Variants in PPAN observed in about 807,000 individuals in gnomAD.
The protein encoded by PPAN is peter pan homolog, also known as suppressor of SWI4 1 homolog.
In PPAN, 39 loss-of-function variants were observed where a neutral mutation model predicts 48.5. The ratio of observed to expected loss-of-function variants is 0.80; its 90% CI spans 0.62 to 1.05. PPAN has a LOEUF of 1.05. Among genes scored for constraint, PPAN ranks in the 50% least tolerant of loss-of-function variants. The pLI, the probability that PPAN is intolerant of heterozygous loss-of-function variation, is 0.00. For missense variants in PPAN, 736 were observed against 661.7 expected (o/e 1.11, Z -1.23); for synonymous variants, 315 against 268.6 (o/e 1.17, Z -1.69).
intron 5 of PPAN, among the ~76,000 whole-genome samples, chr19:10,108,444 C>T (rs1461398686): frequency 6.6e-6 from 1 of 152,070 alleles, no homozygotes; most frequent in Non-Finnish European, 1.5e-5. Flanking sequence ...TCTTAGGGCC[C>T]TGTTTTACAG....
In PPAN at chr19:10,111,311, C is replaced by G. The variant is rs1321064456; in HGVS notation, c.*146C>G. On this transcript the variant is annotated 3_prime_UTR_variant, in exon 12 of 12. Coordinates refer to ENST00000253107, the MANE Select transcript of PPAN (RefSeq NM_020230.7). The stretch of plus-strand genomic sequence containing the variant: ...TGAATTGGCCAGGGGTCCACGTCAG[C>G]GTTTGGGATGGGGGATTCTGGAGCC... 9.9e-7 allele frequency: 1 copy of G among 1,014,314 alleles called. No homozygotes were observed. Among genetic ancestry groups the G allele is most frequent in the Non-Finnish European group, 1.4e-6 (1 of 716,674 alleles). 62.8% of individuals were successfully genotyped at this position (1,014,314 alleles called of 1,614,324 possible).
chr19:10,107,909 T>A, intron 4 of PPAN, 55 bp downstream of exon 4: 1 of 1,603,116 alleles, frequency 6.2e-7, no homozygotes, highest in Non-Finnish European at 8.5e-7. Context: ...GGACTTGGGG[T>A]TGTCCGCAGC....
In PPAN at chr19:10,110,273, G is replaced by A. The variant is rs117511908; in HGVS notation, c.822+27G>A. ...TGAGGCCCAGGGCAGGGGGACCCCC[G>A]GGCTCCACCAGTCCCAACGGTGGGC... On this transcript the variant is annotated intron_variant, in intron 8 of 11. Transcript: ENST00000253107. This position sits in a 1 kb window ranked among gnomAD's most constrained non-coding sequence, Gnocchi z 5.9. 0.022 allele frequency: 35,893 copies of A among 1,612,354 alleles called. 479 individuals are homozygous for A. The highest frequency in any genetic ancestry group is 0.031 in the Admixed American group (1,859 of 59,890).
chr19:10,109,713 T>G lies in PPAN; in HGVS notation c.590+6T>G. On this transcript the variant is annotated splice_donor_region_variant and intron_variant, in intron 6 of 11. Coordinates refer to ENST00000253107, the MANE Select transcript of PPAN (RefSeq NM_020230.7). ...GAGCTGGACTTCCGCCACTAGTGAG[T>G]GTCCCAGCAGGATGGGAGACGAGGG... The G allele has an allele frequency of 6.2e-7, 1 of 1,613,264 alleles. No homozygotes were observed. The highest frequency in any genetic ancestry group is 8.5e-7 in the Non-Finnish European group (1 of 1,179,568).
In PPAN at chr19:10,110,611, A is replaced by G. The variant is rs1263467544; in HGVS notation, c.1028A>G (p.His343Arg). ...CGCAAGCAGGAGCAGCGGGAGGCCCACAGGTCCAGGCAGAGCTGGGAAGGG... is the reference window on the plus strand; with the variant it reads ...CGCAAGCAGGAGCAGCGGGAGGCCCGCAGGTCCAGGCAGAGCTGGGAAGGG... ...VQRKQEQREA[H>R]RKKSLEGMKK... Residue 343 changes from histidine to arginine, a missense_variant, in exon 10 of 12, where the codon CAC becomes CGC. Transcript: ENST00000253107. This position sits in a 1 kb window ranked among gnomAD's most constrained non-coding sequence, Gnocchi z 5.9. The G allele has an allele frequency of 1.1e-5, 17 of 1,605,978 alleles. No individual in the cohort carries two copies. Among genetic ancestry groups the G allele is most frequent in the East Asian group, 2.2e-5 (1 of 44,636 alleles).
rs1341579719 is a variant in PPAN at position 10,109,629 on chromosome 19, A to T, written c.514-2A>T. ...GACTATGCTCTCTTCCTCCCCTTCC[A>T]GGTGAACCTGAACACCATCAAGCGC... On this transcript the variant is annotated splice_acceptor_variant, in intron 5 of 11. Transcript: ENST00000253107. LOFTEE classifies it high-confidence loss of function. The T allele has an allele frequency of 6.2e-7, 1 of 1,612,358 alleles. No individual in the cohort carries two copies. The highest frequency in any genetic ancestry group is 1.3e-5 in the African/African-American group (1 of 74,802).
rs770613392 is a variant in PPAN, at chr19:10,107,593, C to T, written c.278C>T (p.Thr93Ile). The T allele has an allele frequency of 1.9e-6, 3 of 1,614,012 alleles. No individual in the cohort carries two copies. Among genetic ancestry groups the T allele is most frequent in the African/African-American group, 1.3e-5 (1 of 74,908 alleles). ...THFLILSKTE[T>I]NVYFKLMRLP... ...TTTCTGATCCTGAGCAAAACAGAGACCAATGTCTACTTTGTGAGTAGACGC... is the reference window on the plus strand; with the variant it reads ...TTTCTGATCCTGAGCAAAACAGAGATCAATGTCTACTTTGTGAGTAGACGC... The change falls in exon 3 of 12, where the codon ACC becomes ATC. Residue 93 changes from threonine (T) to isoleucine (I), a missense_variant. Thr to Ile is a moderately conservative substitution (Grantham distance 89). Coordinates refer to ENST00000253107, the MANE Select transcript of PPAN (RefSeq NM_020230.7).
At chr19:10,108,381 C>T (rs2088915267) in intron 5 of PPAN, among the ~76,000 whole-genome samples, 1 of 152,250 alleles carries the variant, frequency 6.6e-6, no homozygotes, top group Middle Eastern at 3.4e-3. Context: ...ACTGATGGAG[C>T]TCTGTTTCCC....
At chr19:10,106,322 CT>C, upstream of PPAN, 1 of 1,545,388 alleles carries the variant, frequency 6.5e-7, no homozygotes, top group Non-Finnish European at 8.7e-7. Flanking sequence ...CGTGCCGGCT[CT>C]CAGGCGCCGG....
At chr19:10,108,901 TATATA>T (rs370316740) in intron 5 of PPAN, among the ~76,000 whole-genome samples, 1 of 152,110 alleles carries the variant, frequency 6.6e-6, no homozygotes, top group Non-Finnish European at 1.5e-5. Flanking sequence ...TTATAAATTA[TATATA>T]AGATATCAGT....
intron 5 of PPAN, 67 bp from the exon 6 acceptor site, chr19:10,109,564 C>A (rs1394153111): frequency 5.3e-6 from 8 of 1,514,232 alleles, no homozygotes; most frequent in Non-Finnish European, 7.2e-6. Context: ...GTGTATCCCC[C>A]AAAGCCCCCA....
intron 5 of PPAN, 45 bp from the exon 6 acceptor site, chr19:10,109,586 T>A: frequency 1.3e-6 from 2 of 1,570,000 alleles, no homozygotes; most frequent in Non-Finnish European, 1.7e-6. Context: ...TTCCCCAAAC[T>A]TTGCCATGAG....
At position 10,106,402 on chromosome 19, in the gene PPAN, A is replaced by C. The variant is rs1164408846; in HGVS notation, c.8A>C (p.Gln3Pro). 6.5e-7 allele frequency: 1 copy of C among 1,549,160 alleles called. No homozygotes were observed. Among genetic ancestry groups the C allele is most frequent in the Non-Finnish European group, 8.7e-7 (1 of 1,145,442 alleles). The change falls in exon 1 of 12, where the codon CAG becomes CCG. Residue 3 changes from glutamine (Q) to proline (P), a missense_variant. By Grantham distance (76) the Gln-to-Pro change is moderately conservative. Transcript: ENST00000253107. Reference protein sequence around the residue: MGQSGRSRHQKRA... With the variant: MGPSGRSRHQKRA... ...CGTGGAGGACACAGCAGCATGGGAC[A>C]GTCAGGGAGGGTAAGGCCCGGCAGC...
In PPAN at chr19:10,111,563, TGAG is replaced by T. The variant is rs1182875754; in HGVS notation, c.*401_*403del. 5.0e-5 allele frequency: 41 copies of T among 822,490 alleles called. No individual in the cohort carries two copies. The highest frequency in any genetic ancestry group is 7.6e-5 in the Non-Finnish European group (38 of 502,238). 50.9% of individuals were successfully genotyped at this position (822,490 alleles called of 1,614,324 possible). On this transcript the variant is annotated 3_prime_UTR_variant, in exon 12 of 12. Coordinates refer to ENST00000253107, the MANE Select transcript of PPAN (RefSeq NM_020230.7). ...GAACCTCAGGAGGGTTGTGGCACAA[TGAG>T]GAAGGAAACGTGGGTGGAAAGGCAC...
Position 10,111,376 on chromosome 19 carries a change from G to C in PPAN, c.*211G>C. 3 of 684,664 alleles carry C rather than the reference G, an allele frequency of 4.4e-6. No individual in the cohort carries two copies. The highest frequency in any genetic ancestry group is 7.2e-6 in the Non-Finnish European group (3 of 415,760). 42.4% of individuals were successfully genotyped at this position (684,664 alleles called of 1,614,324 possible). On this transcript the variant is annotated 3_prime_UTR_variant, in exon 12 of 12. Transcript: ENST00000253107. The stretch of plus-strand genomic sequence containing the variant: ...AGAGAGTCCTGGGCCGGCCACACCC[G>C]AGAGTCCCTCCCACCTGGTTTCTTC...
intron 5 of PPAN, among the ~76,000 whole-genome samples, chr19:10,108,963 CTT>C (rs1304271167): frequency 6.5e-5 from 9 of 138,482 alleles, no homozygotes; most frequent in Admixed American, 1.4e-4. Flanking sequence ...TCTTGTTTAC[CTT>C]TTTTTTTTTT....
At chr19:10,107,279 C>G (rs556275382) in intron 2 of PPAN, among the ~76,000 whole-genome samples, 2 of 152,294 alleles carry the variant, frequency 1.3e-5, no homozygotes, top group South Asian at 4.1e-4. Flanking sequence ...CTCTCTGGGC[C>G]TGAGTTCGCT....
At chr19:10,109,808 C>G in intron 6 of PPAN, 101 bp downstream of exon 6, 1 of 1,591,086 alleles carries the variant, frequency 6.3e-7, no homozygotes, top group Admixed American at 1.7e-5. Flanking sequence ...ATTGCTCTGT[C>G]CAAAGTAAAC....
Position 10,109,931 on chromosome 19 carries a change from T to C in PPAN, c.609T>C (p.Pro203=), listed in dbSNP as rs766836956. 23 of 1,613,974 alleles carry C rather than the reference T, an allele frequency of 1.4e-5. No homozygotes were observed. The highest frequency in any genetic ancestry group is 1.9e-5 in the Non-Finnish European group (22 of 1,179,942). The stretch of plus-strand genomic sequence containing the variant: ...CCTGCAGTAGCATCAAAGTTGTTCC[T>C]GTGGGCGCGAGTCGCGGGATGAAGA... ...DFRHYSIKVV[P]VGASRGMKKL... The change falls in exon 7 of 12, where the codon CCT becomes CCC. Residue 203 remains proline, a synonymous_variant. Transcript: ENST00000253107.
Sources: allele counts gnomAD v4.1 joint callset (sites outside exome capture counted in the v4.1 genomes callset), GRCh38; gene constraint gnomAD v4.1.1; non-coding constraint Gnocchi (gnomAD v3.1); transcripts MANE v1.5; gene names NCBI Gene and HGNC (gene_info 2026-07-23, HGNC 2026-07-21).